The following PADI4 variants were observed in gnomAD, a reference collection of about 807,000 sequenced individuals.
The protein encoded by PADI4 is peptidyl arginine deiminase 4.
Under a neutral mutation model 75.0 loss-of-function variants are expected in PADI4, and 62 were observed. That is an observed-to-expected ratio of 0.83 (90% CI 0.67 to 1.02). PADI4 has a LOEUF of 1.02. Ranked by LOEUF, PADI4 falls within the 50% of genes least tolerant of loss-of-function variation. The probability of loss-of-function intolerance (pLI) is 0.00; values close to 1 mark genes in which losing one functional copy is unlikely to be tolerated. For missense variants in PADI4, 845 were observed against 850.5 expected (o/e 0.99, Z 0.08); for synonymous variants, 361 against 348.1 (o/e 1.04, Z -0.41).
chr1:17,312,792 A>G (rs1315446707), intron 1 of PADI4, among the ~76,000 whole-genome samples: 1 of 151,776 alleles, frequency 6.6e-6, no homozygotes, highest in Non-Finnish European at 1.5e-5. Context: ...GAACTGGTTC[A>G]CGGGAAAGAT....
chr1:17,333,060 C>A (rs149184029), intron 2 of PADI4, among the ~76,000 whole-genome samples: 1 of 152,088 alleles, frequency 6.6e-6, no homozygotes. Flanking sequence ...TCATTTTCTG[C>A]AAACAACAGG....
chr1:17,314,967 C>T (rs988390450), intron 1 of PADI4, among the ~76,000 whole-genome samples: 5 of 152,198 alleles, frequency 3.3e-5, no homozygotes, highest in Non-Finnish European at 5.9e-5. Flanking sequence ...GCAATCTCCC[C>T]GAGGCCCAGG....
intron 1 of PADI4, among the ~76,000 whole-genome samples, chr1:17,322,242 C>G (rs2074042099): frequency 6.6e-6 from 1 of 152,224 alleles, no homozygotes; most frequent in African/African-American, 2.4e-5. Context: ...AATCCCAACA[C>G]TTTGGGAGGC....
chr1:17,359,217 T>TTGC, intron 14 of PADI4, 63 bp from the exon 15 acceptor site: 1 of 647,814 alleles, frequency 1.5e-6, no homozygotes, highest in Non-Finnish European at 2.6e-6. Flanking sequence ...CCCCACACTG[T>TTGC]CCCCCACCCC....
At chr1:17,314,886 G>T (rs534607556) in intron 1 of PADI4, among the ~76,000 whole-genome samples, 1 of 152,354 alleles carries the variant, frequency 6.6e-6, no homozygotes, top group Non-Finnish European at 1.5e-5. Flanking sequence ...TGGCTGGCTG[G>T]TGTAGACAGA....
chr1:17,309,119 G>T (rs942125682), intron 1 of PADI4, among the ~76,000 whole-genome samples: 2 of 143,904 alleles, frequency 1.4e-5, no homozygotes, highest in East Asian at 4.1e-4. Flanking sequence ...ATTTTAAAAC[G>T]TGTAAGCAAA....
intron 8 of PADI4, among the ~76,000 whole-genome samples, chr1:17,345,378 T>C (rs1324853448): frequency 6.6e-6 from 1 of 152,216 alleles, no homozygotes; most frequent in East Asian, 1.9e-4. Flanking sequence ...GGGTTAATGC[T>C]GAAATGAGTT....
At position 17,363,699 on chromosome 1, in the gene PADI4, G is replaced by C; in HGVS notation, c.1936G>C (p.Gly646Arg). 6.2e-7 allele frequency: 1 copy of C among 1,614,162 alleles called. No individual in the cohort carries two copies. Among genetic ancestry groups the C allele is most frequent in the African/African-American group, 1.3e-5 (1 of 75,062 alleles). ...CATCAGGCATGGGGAGGTGCACTGCGGCACCAACGTGCGCAGAAAGCCCTT... is the reference window on the plus strand; with the variant it reads ...CATCAGGCATGGGGAGGTGCACTGCCGCACCAACGTGCGCAGAAAGCCCTT... ...YHIRHGEVHC[G>R]TNVRRKPFSF... The change falls in exon 16 of 16, where the codon GGC (glycine) becomes CGC (arginine). Residue 646 changes from glycine (G) to arginine (R), a missense_variant. Physicochemically the swap from Gly to Arg is moderately radical, Grantham distance 125. Coordinates refer to ENST00000375448, the MANE Select transcript of PADI4 (RefSeq NM_012387.3).
intron 1 of PADI4, among the ~76,000 whole-genome samples, chr1:17,313,218 G>A (rs140445526): frequency 6.6e-6 from 1 of 151,628 alleles, no homozygotes; most frequent in East Asian, 1.9e-4. Context: ...GAAACAATGG[G>A]GCCAGGCGTG....
intron 10 of PADI4, among the ~76,000 whole-genome samples, chr1:17,348,395 A>T (rs2074558483): frequency 6.6e-6 from 1 of 152,166 alleles, no homozygotes; most frequent in Admixed American, 6.6e-5. Flanking sequence ...CCCAATGCCC[A>T]GCTGGAGGCT....
chr1:17,355,055 G>C (rs541127674), intron 11 of PADI4, among the ~76,000 whole-genome samples: 2 of 152,268 alleles, frequency 1.3e-5, no homozygotes, highest in South Asian at 4.1e-4. Flanking sequence ...AAAAGAGAGG[G>C]GCACGGGAGG....
Position 17,346,215 on chromosome 1 carries a change from G to T in PADI4, c.1047+76G>T. The T allele has an allele frequency of 3.5e-6, 3 of 864,440 alleles. No individual in the cohort carries two copies. Among genetic ancestry groups the T allele is most frequent in the East Asian group, 2.5e-5 (1 of 39,510 alleles). 53.5% of individuals were successfully genotyped at this position (864,440 alleles called of 1,614,324 possible). A position where few individuals can be genotyped will look rare whatever the true frequency, so the allele number is the denominator to read the frequency against. ...CACTTGGGGGACCCGGGCTCCTGGG[G>T]TTCAGCCTGGTGCCTCACCGGCCAC... On this transcript the variant is annotated intron_variant, in intron 9 of 15. Coordinates refer to ENST00000375448, the MANE Select transcript of PADI4 (RefSeq NM_012387.3). The surrounding 1 kb of genome is among the most constrained non-coding windows in gnomAD (Gnocchi z 4.3).
rs375905749 is a variant in PADI4 at position 17,342,341 on chromosome 1, C to T, written c.874C>T (p.Arg292Cys). 2.5e-5 allele frequency: 40 copies of T among 1,613,990 alleles called. No homozygotes were observed. Among genetic ancestry groups the T allele is most frequent in the Middle Eastern group, 3.3e-4 (2 of 6,056 alleles). ...AVVFQDSVVF[R>C]VAPWIMTPNT... ...GGTGTTCCAAGACAGCGTGGTCTTC[C>T]GCGTGGCGCCCTGGATCATGACCCC... is the stretch of plus-strand genomic sequence containing the variant. Residue 292 changes from arginine (R) to cysteine (C), a missense_variant, in exon 8 of 16, where the codon CGC (arginine) becomes TGC (cysteine). Physicochemically the swap from Arg to Cys is radical, Grantham distance 180. Coordinates refer to ENST00000375448, the MANE Select transcript of PADI4 (RefSeq NM_012387.3).
intron 10 of PADI4, among the ~76,000 whole-genome samples, chr1:17,351,826 C>T (rs1239225211): frequency 1.4e-5 from 2 of 147,222 alleles, no homozygotes; most frequent in African/African-American, 5.3e-5. Flanking sequence ...AGCAAGAGGG[C>T]CTGGAGGGGT....
At position 17,316,594 on chromosome 1, in the gene PADI4, G is replaced by A. The variant is rs546530828; in HGVS notation, c.92+8280G>A. 2.0e-5 allele frequency among the ~76,000 whole-genome samples: 3 copies of A among 151,770 alleles called. No individual in the cohort carries two copies. In the East Asian group the frequency reaches 5.8e-4, roughly 29 times the overall value. ...AGTCCCAGCTACTTGGGAGGCTGAGGCAGGAGAATGGCATGAACCTGGGAG... is the reference window on the plus strand; with the variant it reads ...AGTCCCAGCTACTTGGGAGGCTGAGACAGGAGAATGGCATGAACCTGGGAG... On this transcript the variant is annotated intron_variant, in intron 1 of 15. Transcript: ENST00000375448.
At chr1:17,312,708 C>T (rs1207008754) in intron 1 of PADI4, among the ~76,000 whole-genome samples, 1 of 152,066 alleles carries the variant, frequency 6.6e-6, no homozygotes, top group East Asian at 1.9e-4. Flanking sequence ...AGAGGGATAA[C>T]TTTGATTTCT....
At chr1:17,343,680 G>A (rs768659258) in intron 8 of PADI4, among the ~76,000 whole-genome samples, 1 of 152,158 alleles carries the variant, frequency 6.6e-6, no homozygotes, top group Non-Finnish European at 1.5e-5. Context: ...CCATTCTCAT[G>A]GTAGTGAATA....
At chr1:17,311,959 A>G (rs2073840414) in intron 1 of PADI4, among the ~76,000 whole-genome samples, 1 of 152,174 alleles carries the variant, frequency 6.6e-6, no homozygotes, top group Non-Finnish European at 1.5e-5. Flanking sequence ...GCGAAGATTG[A>G]ATTATATAAT....
intron 10 of PADI4, among the ~76,000 whole-genome samples, chr1:17,352,174 G>A (rs1183065085): frequency 6.6e-6 from 1 of 150,988 alleles, no homozygotes; most frequent in Admixed American, 6.6e-5. Context: ...ATGAGAGGTG[G>A]TAGGAGAGGC....
Sources: allele counts gnomAD v4.1 joint callset (sites outside exome capture counted in the v4.1 genomes callset), GRCh38; gene constraint gnomAD v4.1.1; non-coding constraint Gnocchi (gnomAD v3.1); transcripts MANE v1.5; gene names NCBI Gene and HGNC (gene_info 2026-07-23, HGNC 2026-07-21).